PTPRD: variants seen among roughly 807,000 people sequenced by gnomAD.
The protein encoded by PTPRD is receptor-type tyrosine-protein phosphatase delta.
In PTPRD, 34 loss-of-function variants were observed where a neutral mutation model predicts 214.5. The observed-to-expected ratio is 0.16, with a 90% CI of 0.12 to 0.21. PTPRD has a LOEUF of 0.21. PTPRD is among the 10% of genes least tolerant of loss of function. The pLI, the probability that PTPRD is intolerant of heterozygous loss-of-function variation, is 1.00. For synonymous variants in PTPRD, 1,128 were observed against 845.7 expected (o/e 1.33, Z -5.79); for missense variants, 2,545 against 2,398.7 (o/e 1.06, Z -1.27).
chr9:10,328,611 T>C (rs979479017), intron 3 of PTPRD, among the ~76,000 whole-genome samples: 2 of 151,786 alleles, frequency 1.3e-5, no homozygotes, highest in East Asian at 1.9e-4. Flanking sequence ...TTTGAATGAC[T>C]TGCTGGAGGT....
intron 11 of PTPRD, among the ~76,000 whole-genome samples, chr9:8,835,599 G>A (rs1177706534): frequency 6.6e-6 from 1 of 152,156 alleles, no homozygotes; most frequent in Non-Finnish European, 1.5e-5. Flanking sequence ...GCACAATCAT[G>A]GTTCACTGCA....
chr9:10,365,989 G>A (rs1217965459), intron 2 of PTPRD, among the ~76,000 whole-genome samples: 2 of 152,176 alleles, frequency 1.3e-5, no homozygotes, highest in Non-Finnish European at 2.9e-5. Flanking sequence ...GTCAAATGCA[G>A]AATGGTGTAG....
intron 10 of PTPRD, among the ~76,000 whole-genome samples, chr9:9,092,129 T>A (rs1382299695): frequency 6.6e-6 from 1 of 152,200 alleles, no homozygotes; most frequent in Non-Finnish European, 1.5e-5. Context: ...CTCACTATTG[T>A]TACCAACATG....
chr9:9,029,700 GGAAT>G (rs2154375528), intron 10 of PTPRD, among the ~76,000 whole-genome samples: 1 of 151,900 alleles, frequency 6.6e-6, no homozygotes, highest in African/African-American at 2.4e-5. Flanking sequence ...TATAAGTCCT[GGAAT>G]GTACGGTAGT....
At chr9:8,980,269 T>C (rs1351116198) in intron 11 of PTPRD, among the ~76,000 whole-genome samples, 1 of 152,016 alleles carries the variant, frequency 6.6e-6, no homozygotes, top group Non-Finnish European at 1.5e-5. Flanking sequence ...GGACAAAGGA[T>C]ACAATGTAGC....
rs149572206 is a variant in PTPRD at position 9,060,112 on chromosome 9, A to G, written c.-142-41377T>C. On this transcript the variant is annotated intron_variant, in intron 10 of 45. Transcript: ENST00000381196. ...AATAGCTAAACTATTCTTGACATAG[A>G]ATAAGGGAGCTAGGGGAAAGACTCA... is the stretch of plus-strand genomic sequence containing the variant. 7.1e-3 allele frequency among the ~76,000 whole-genome samples: 1,077 copies of G among 152,348 alleles called. 8 individuals carry two copies. The highest frequency in any genetic ancestry group is 0.025 in the African/African-American group (1,021 of 41,582).
intron 2 of PTPRD, among the ~76,000 whole-genome samples, chr9:10,456,884 G>A (rs1274969621): frequency 6.6e-6 from 1 of 151,802 alleles, no homozygotes; most frequent in African/African-American, 2.4e-5. Flanking sequence ...TCATGAACAG[G>A]TAGTAGTCCA....
At chr9:9,740,248 A>G (rs1400440531) in intron 6 of PTPRD, among the ~76,000 whole-genome samples, 1 of 151,902 alleles carries the variant, frequency 6.6e-6, no homozygotes, top group Non-Finnish European at 1.5e-5. Flanking sequence ...AAGCTACATC[A>G]TTTTTCCTTG....
intron 26 of PTPRD, 110 bp from the exon 27 acceptor site, chr9:8,493,089 C>T: frequency 1.2e-6 from 1 of 848,308 alleles, no homozygotes; most frequent in Non-Finnish European, 1.9e-6. Context: ...TCCCTTGCAG[C>T]CATGCTAAGC....
chr9:8,623,527 G>T (rs1282370275), intron 14 of PTPRD, among the ~76,000 whole-genome samples: 1 of 151,844 alleles, frequency 6.6e-6, no homozygotes, highest in African/African-American at 2.4e-5. Context: ...AAATGGGGCA[G>T]TTCCCTTTAA....
intron 8 of PTPRD, among the ~76,000 whole-genome samples, chr9:9,426,386 G>C (rs923868543): frequency 6.6e-5 from 10 of 152,226 alleles, no homozygotes; most frequent in Non-Finnish European, 1.0e-4. Context: ...GCTGAGGCTT[G>C]AGTAGGTAAA....
At chr9:9,505,115 T>C (rs1464592213) in intron 8 of PTPRD, among the ~76,000 whole-genome samples, 1 of 151,572 alleles carries the variant, frequency 6.6e-6, no homozygotes, top group Admixed American at 6.6e-5. Context: ...TCTGGACTTT[T>C]CTGACTTTCT....
chr9:9,132,624 GAAGT>G (rs1267758972), intron 10 of PTPRD, among the ~76,000 whole-genome samples: 2 of 152,114 alleles, frequency 1.3e-5, no homozygotes, highest in Non-Finnish European at 2.9e-5. Context: ...ACAATAAGAA[GAAGT>G]CAGTCTCTTT....
At chr9:10,499,966 T>C (rs570048953) in intron 2 of PTPRD, among the ~76,000 whole-genome samples, 11 of 151,890 alleles carry the variant, frequency 7.2e-5, no homozygotes, top group Admixed American at 2.0e-4. Context: ...GTCTCATAAT[T>C]AGCTTTAGAG....
At chr9:8,526,916 G>A (rs1009768176) in intron 16 of PTPRD, among the ~76,000 whole-genome samples, 1 of 151,754 alleles carries the variant, frequency 6.6e-6, no homozygotes, top group Non-Finnish European at 1.5e-5. Context: ...CAGGTCTGGG[G>A]TCATATAGGG....
intron 3 of PTPRD, among the ~76,000 whole-genome samples, chr9:10,219,518 G>A (rs1040601777): frequency 6.6e-6 from 1 of 151,810 alleles, no homozygotes; most frequent in African/African-American, 2.4e-5. Context: ...AGGGATGAGA[G>A]GCCCATTTGT....
chr9:8,525,076 G>A (rs2139205562), intron 17 of PTPRD, 41 bp from the exon 18 acceptor site: 1 of 1,537,232 alleles, frequency 6.5e-7, no homozygotes, highest in Non-Finnish European at 9.0e-7. Context: ...GATGATCAGA[G>A]AAGGCTTTCT....
At chr9:9,471,050 T>TG (rs1433555976) in intron 8 of PTPRD, among the ~76,000 whole-genome samples, 1 of 152,158 alleles carries the variant, frequency 6.6e-6, no homozygotes, top group African/African-American at 2.4e-5. Flanking sequence ...ATGCAGGTCT[T>TG]GGGGTCTAAC....
At chr9:8,856,168 C>G (rs930044212) in intron 11 of PTPRD, among the ~76,000 whole-genome samples, 4 of 151,550 alleles carry the variant, frequency 2.6e-5, no homozygotes, top group African/African-American at 9.7e-5. Context: ...AAGCCTTTTA[C>G]TGGGTATTAT....
Sources: allele counts gnomAD v4.1 joint callset (sites outside exome capture counted in the v4.1 genomes callset), GRCh38; gene constraint gnomAD v4.1.1; transcripts MANE v1.5; gene names NCBI Gene and HGNC (gene_info 2026-07-23, HGNC 2026-07-21).